The following PPP1R13L variants were observed in gnomAD, a reference collection of about 807,000 sequenced individuals.
PPP1R13L encodes the protein relA-associated inhibitor.
In PPP1R13L, 50 loss-of-function variants were observed where a neutral mutation model predicts 80.9. That is an observed-to-expected ratio of 0.62 (90% CI 0.49 to 0.78). The LOEUF (loss-of-function observed/expected upper bound fraction) is 0.78. PPP1R13L is among the 30% of genes least tolerant of loss of function. The pLI, the probability that PPP1R13L is intolerant of heterozygous loss-of-function variation, is 0.00. For missense variants in PPP1R13L, 1,200 were observed against 1,205.9 expected (o/e 1.00, Z 0.07); for synonymous variants, 602 against 534.3 (o/e 1.13, Z -1.75).
rs1050277645 is a variant in PPP1R13L, at chr19:45,400,294, G to A, written c.-21-1955C>T. 1.4e-4 allele frequency among the ~76,000 whole-genome samples: 22 copies of A among 152,024 alleles called. 1 individual carries two copies. Among genetic ancestry groups the A allele is most frequent in the Middle Eastern group, 3.4e-3 (1 of 294 alleles). ...GGGTGGAGGGGCAGCTGTGGTCACT[G>A]GCCCAGTGGGAGGGAGCTAGGCCAC... is the stretch of plus-strand genomic sequence containing the variant. On this transcript the variant is annotated intron_variant, in intron 1 of 12. Transcript: ENST00000360957.
chr19:45,387,118 A>G (rs915002813), intron 8 of PPP1R13L, among the ~76,000 whole-genome samples: 4 of 151,728 alleles, frequency 2.6e-5, no homozygotes, highest in African/African-American at 9.7e-5. Flanking sequence ...AAAATAAAAA[A>G]TTAGCCTGAC....
chr19:45,394,006 AAC>A (rs1251145959), intron 7 of PPP1R13L, among the ~76,000 whole-genome samples: 1 of 152,242 alleles, frequency 6.6e-6, no homozygotes, highest in Non-Finnish European at 1.5e-5. Flanking sequence ...ACAGACGGGA[AAC>A]AGAGTTTCGG....
intron 8 of PPP1R13L, among the ~76,000 whole-genome samples, chr19:45,388,039 C>T (rs544197260): frequency 6.6e-6 from 1 of 151,998 alleles, no homozygotes; most frequent in East Asian, 1.9e-4. Context: ...CGTGGTGGTG[C>T]ACGCCTGTAA....
intron 11 of PPP1R13L, among the ~76,000 whole-genome samples, chr19:45,383,841 A>C (rs1012328243): frequency 1.3e-5 from 2 of 151,716 alleles, no homozygotes; most frequent in Non-Finnish European, 2.9e-5. Context: ...GGCTCACTGC[A>C]ACCTCCGCCT....
At chr19:45,389,249 C>A (rs1483165709) in intron 8 of PPP1R13L, among the ~76,000 whole-genome samples, 3 of 152,140 alleles carry the variant, frequency 2.0e-5, no homozygotes, top group Non-Finnish European at 4.4e-5. Context: ...AATCCTGAGC[C>A]TCAAGGTTCC....
Position 45,396,902 on chromosome 19 carries a change from A to G in PPP1R13L, c.355T>C (p.Ser119Pro). Residue 119 changes from serine to proline, a missense_variant, in exon 4 of 13, where the codon TCG becomes CCG. By Grantham distance (74) the Ser-to-Pro change is moderately conservative (BLOSUM62 -1). Transcript: ENST00000360957. The surrounding 1 kb of genome is among the most constrained non-coding windows in gnomAD (Gnocchi z 5.3). ...AGGTAGAGCGGGGTGCGCGGCGACG[A>G]CGGCCGTCCCTTGGGGGACAGCGGG... Reference protein sequence around the residue: ...YSPLSPKGRPSSPRTPLYLQP... With the variant: ...YSPLSPKGRPPSPRTPLYLQP... The G allele has an allele frequency of 6.6e-7, 1 of 1,512,520 alleles. No homozygotes were observed. The highest frequency in any genetic ancestry group is 1.3e-5 in the South Asian group (1 of 78,848). The allele number at this position is 1,512,520 out of a possible 1,614,324, so 93.7% of individuals were successfully genotyped here.
At chr19:45,400,236 C>T (rs1198977621) in intron 1 of PPP1R13L, among the ~76,000 whole-genome samples, 1 of 151,960 alleles carries the variant, frequency 6.6e-6, no homozygotes, top group Non-Finnish European at 1.5e-5. Flanking sequence ...CTCACTGACC[C>T]ATTGTTAGCA....
Position 45,396,995 on chromosome 19 carries a change from C to T in PPP1R13L, c.262G>A (p.Ala88Thr). ...GGGGTGTCTGCGCCGTCGGTGGCCG[C>T]CTTCCGGGGGGACCCTCGGCTGCCG... ...PFGSRGSPRK[A>T]ATDGADTPFG... The change falls in exon 4 of 13, where the codon GCG (alanine) becomes ACG (threonine). Residue 88 changes from alanine (A) to threonine (T), a missense_variant. Ala to Thr is a moderately conservative substitution (Grantham distance 58). Coordinates refer to ENST00000360957, the MANE Select transcript of PPP1R13L (RefSeq NM_006663.4). This position sits in a 1 kb window ranked among gnomAD's most constrained non-coding sequence, Gnocchi z 5.3. The T allele has an allele frequency of 7.3e-7, 1 of 1,377,178 alleles. No homozygotes were observed. Among genetic ancestry groups the T allele is most frequent in the Non-Finnish European group, 9.4e-7 (1 of 1,066,350 alleles). The allele number at this position is 1,377,178 out of a possible 1,614,324, so 85.3% of individuals were successfully genotyped here.
intron 1 of PPP1R13L, 54 bp downstream of exon 1, chr19:45,404,945 A>C: frequency 9.4e-6 from 9 of 954,612 alleles, no homozygotes; most frequent in Non-Finnish European, 1.1e-5. Flanking sequence ...CCTCCCAGGG[A>C]CGCGGGTGTT....
intron 1 of PPP1R13L, among the ~76,000 whole-genome samples, chr19:45,398,785 C>T (rs773700651): frequency 1.3e-5 from 2 of 151,710 alleles, no homozygotes; most frequent in South Asian, 2.1e-4. Flanking sequence ...AGTGAGTCTC[C>T]GCGCCCGGCC....
At chr19:45,399,984 T>A (rs778100047) in intron 1 of PPP1R13L, among the ~76,000 whole-genome samples, 2 of 151,670 alleles carry the variant, frequency 1.3e-5, no homozygotes, top group Non-Finnish European at 2.9e-5. Flanking sequence ...CACTCCCTTC[T>A]AGAGTGGTGA....
chr19:45,401,378 G>A (rs1973231166), intron 1 of PPP1R13L, among the ~76,000 whole-genome samples: 2 of 146,490 alleles, frequency 1.4e-5, no homozygotes, highest in South Asian at 2.2e-4. Flanking sequence ...AAAAAAATTT[G>A]TAGAGACAGG....
intron 6 of PPP1R13L, 46 bp from the exon 7 acceptor site, chr19:45,395,932 G>T: frequency 6.7e-7 from 1 of 1,487,448 alleles, no homozygotes; most frequent in Non-Finnish European, 9.2e-7. Context: ...GAGAGGGAAG[G>T]TGGAGGGGAG....
At chr19:45,391,380 C>T (rs1018061546) in intron 8 of PPP1R13L, among the ~76,000 whole-genome samples, 15 of 152,118 alleles carry the variant, frequency 9.9e-5, no homozygotes, top group African/African-American at 2.7e-4. Flanking sequence ...AAGGAATGCC[C>T]GGGGCAGGGC....
rs1339171010 is a variant in PPP1R13L, at chr19:45,392,222, C to T, written c.1473G>A (p.Thr491=). The T allele has an allele frequency of 1.9e-6, 3 of 1,612,394 alleles. No individual in the cohort carries two copies. Among genetic ancestry groups the T allele is most frequent in the East Asian group, 2.2e-5 (1 of 44,856 alleles). The change falls in exon 8 of 13, where the codon ACG becomes ACA. Residue 491 remains threonine (T), a synonymous_variant. Transcript: ENST00000360957. ...EGPVARPLSP[T]RLQPALPPEA... ...CCGGTGGCAGTGCTGGCTGCAGCCT[C>T]GTGGGGCTGAGAGGCCTTGCTACAG...
intron 1 of PPP1R13L, among the ~76,000 whole-genome samples, chr19:45,399,216 T>C (rs1372297268): frequency 6.6e-6 from 1 of 151,680 alleles, no homozygotes; most frequent in Non-Finnish European, 1.5e-5. Context: ...GTGCTGGGAT[T>C]ACAGGCGTGA....
Position 45,379,983 on chromosome 19 carries a change from A to G in PPP1R13L, c.*207T>C, listed in dbSNP as rs1418474726. On this transcript the variant is annotated 3_prime_UTR_variant, in exon 13 of 13. Transcript: ENST00000360957. ...CCCAGTGATTTCCAGCCCTTCCCAG[A>G]CCTCCCAAGGCTAAGGCAGATTACT... 2 of 517,004 alleles carry G rather than the reference A, an allele frequency of 3.9e-6. No homozygotes were observed. The highest frequency in any genetic ancestry group is 3.9e-5 in the African/African-American group (2 of 51,258). 32.0% of individuals were successfully genotyped at this position (517,004 alleles called of 1,614,324 possible). A position where few individuals can be genotyped will look rare whatever the true frequency, so the allele number is the denominator to read the frequency against.
intron 1 of PPP1R13L, chr19:45,401,985 C>A (rs976313037): frequency 1.1e-4 from 17 of 152,066 alleles, no homozygotes; most frequent in Non-Finnish European, 1.8e-4. Context: ...ACCGTCCAAC[C>A]CTGACCACAG....
chr19:45,383,290 G>A (rs1458087945), intron 11 of PPP1R13L, among the ~76,000 whole-genome samples: 3 of 128,428 alleles, frequency 2.3e-5, no homozygotes, highest in African/African-American at 3.2e-5. Context: ...CACCGCGCCC[G>A]GCCTTTTTTT....
Sources: gnomAD v4.1 joint callset for allele counts (sites outside exome capture counted in the v4.1 genomes callset) on GRCh38, gnomAD v4.1.1 for gene constraint, Gnocchi (gnomAD v3.1) non-coding constraint, MANE v1.5 for transcripts, NCBI Gene and HGNC (gene_info 2026-07-23, HGNC 2026-07-21) for gene names.